ZFAND6: variants seen among roughly 807,000 people sequenced by gnomAD.
ZFAND6 encodes AN1-type zinc finger protein 6.
Under a neutral mutation model 24.5 loss-of-function variants are expected in ZFAND6, and 12 were observed. The observed-to-expected ratio is 0.49, with a 90% confidence interval of 0.31 to 0.79. The LOEUF is 0.79. Ranked by LOEUF, ZFAND6 falls within the 30% of genes least tolerant of loss-of-function variation. The pLI, the probability that ZFAND6 is intolerant of heterozygous loss-of-function variation, is 0.04. For missense variants in ZFAND6, 207 were observed against 245.9 expected (o/e 0.84, Z 1.06); for synonymous variants, 92 against 81.5 (o/e 1.13, Z -0.69).
chr15:80,121,491 T>A (rs1480879798), intron 3 of ZFAND6, among the ~76,000 whole-genome samples: 1 of 152,224 alleles, frequency 6.6e-6, no homozygotes, highest in Non-Finnish European at 1.5e-5. Context: ...AGTTTATTAA[T>A]GTATACAATT....
chr15:80,080,486 C>T (rs2037597408), intron 1 of ZFAND6, among the ~76,000 whole-genome samples: 2 of 152,118 alleles, frequency 1.3e-5, no homozygotes, highest in South Asian at 4.1e-4. Context: ...AAGACATTAA[C>T]AATAATAGAA....
At chr15:80,102,968 G>C (rs957631453) in intron 2 of ZFAND6, among the ~76,000 whole-genome samples, 1 of 152,166 alleles carries the variant, frequency 6.6e-6, no homozygotes, top group Non-Finnish European at 1.5e-5. Context: ...TATAGCCTTG[G>C]TACTTTTTAT....
At chr15:80,086,651 T>C (rs761722802) in intron 1 of ZFAND6, among the ~76,000 whole-genome samples, 5 of 152,254 alleles carry the variant, frequency 3.3e-5, no homozygotes, top group Non-Finnish European at 5.9e-5. Context: ...TAGCTTAATC[T>C]TTTATTGTGA....
At chr15:80,108,520 T>A (rs2039450981) in intron 2 of ZFAND6, among the ~76,000 whole-genome samples, 1 of 152,196 alleles carries the variant, frequency 6.6e-6, no homozygotes, top group African/African-American at 2.4e-5. Context: ...GGTGGCCTTG[T>A]GCTGGTAAAA....
At chr15:80,101,428 A>G (rs917721315) in intron 2 of ZFAND6, among the ~76,000 whole-genome samples, 1 of 151,910 alleles carries the variant, frequency 6.6e-6, no homozygotes, top group Admixed American at 6.6e-5. Flanking sequence ...GCGCCATTGC[A>G]CTCCAGCCTG....
intron 1 of ZFAND6, among the ~76,000 whole-genome samples, chr15:80,064,993 TCTCTC>T (rs2036536256): frequency 1.7e-5 from 2 of 116,746 alleles, no homozygotes; most frequent in South Asian, 6.2e-4. Context: ...TTGCTCTCTC[TCTCTC>T]CCCCTTTTTT....
chr15:80,076,994 A>AATC (rs2141838293), intron 1 of ZFAND6, among the ~76,000 whole-genome samples: 1 of 152,352 alleles, frequency 6.6e-6, no homozygotes, highest in South Asian at 2.1e-4. Context: ...CAAGAAGATA[A>AATC]AAGAATGAGG....
chr15:80,099,207 G>A (rs1374744345), intron 2 of ZFAND6, among the ~76,000 whole-genome samples: 2 of 151,576 alleles, frequency 1.3e-5, no homozygotes, highest in African/African-American at 2.4e-5. Context: ...TTTCCTTTAA[G>A]GTGTTAAAGT....
intron 1 of ZFAND6, among the ~76,000 whole-genome samples, chr15:80,069,636 T>TTATG (rs2036860641): frequency 1.3e-5 from 2 of 152,000 alleles, no homozygotes; most frequent in African/African-American, 4.8e-5. Context: ...ATTTATTTAT[T>TTATG]TATTTATTTA....
At chr15:80,066,861 C>T (rs1050462293) in intron 1 of ZFAND6, among the ~76,000 whole-genome samples, 2 of 149,424 alleles carry the variant, frequency 1.3e-5, no homozygotes, top group South Asian at 2.1e-4. Context: ...TGCACCACTA[C>T]ACTCTAGCCT....
chr15:80,102,366 C>T (rs1188285315), intron 2 of ZFAND6, among the ~76,000 whole-genome samples: 4 of 152,118 alleles, frequency 2.6e-5, no homozygotes, highest in Non-Finnish European at 5.9e-5. Flanking sequence ...GCCTCCCACT[C>T]GGCCTCCCAA....
At chr15:80,106,412 GCTT>G (rs892687553) in intron 2 of ZFAND6, among the ~76,000 whole-genome samples, 5 of 151,950 alleles carry the variant, frequency 3.3e-5, no homozygotes, top group Non-Finnish European at 1.5e-5. Flanking sequence ...ATTGTCTGTG[GCTT>G]CTTTTTTACT....
At chr15:80,108,406 A>G (rs981610277) in intron 2 of ZFAND6, among the ~76,000 whole-genome samples, 1 of 152,202 alleles carries the variant, frequency 6.6e-6, no homozygotes, top group Admixed American at 6.5e-5. Context: ...AGATAGATCG[A>G]TCAATCTGTG....
intron 1 of ZFAND6, among the ~76,000 whole-genome samples, chr15:80,079,070 GTCT>G (rs2141846940): frequency 6.7e-6 from 1 of 148,980 alleles, no homozygotes; most frequent in Non-Finnish European, 1.5e-5. Context: ...CCCAGAGTGT[GTCT>G]TCTTTTGAGA....
chr15:80,095,609 C>T (rs1381049087), intron 1 of ZFAND6, among the ~76,000 whole-genome samples: 12 of 152,004 alleles, frequency 7.9e-5, no homozygotes, highest in East Asian at 3.9e-4. Flanking sequence ...GATATTTAAC[C>T]GGGTTTAGGT....
chr15:80,074,925 T>C (rs1363683270), intron 1 of ZFAND6, among the ~76,000 whole-genome samples: 4 of 152,048 alleles, frequency 2.6e-5, no homozygotes, highest in Admixed American at 6.5e-5. Flanking sequence ...TGATAAGCCA[T>C]AGGCTGGGCT....
chr15:80,092,299 C>A (rs2038423668), intron 1 of ZFAND6, among the ~76,000 whole-genome samples: 1 of 131,448 alleles, frequency 7.6e-6, no homozygotes, highest in African/African-American at 2.9e-5. Context: ...CAAGCCTGGG[C>A]AACATGGCAA....
intron 5 of ZFAND6, 63 bp from the exon 6 acceptor site, chr15:80,131,116 TG>T: frequency 8.2e-7 from 1 of 1,221,092 alleles, no homozygotes; most frequent in Non-Finnish European, 1.1e-6. Context: ...CTAGGGAGGG[TG>T]GGATGAGGAA....
chr15:80,075,468 G>A (rs2037219831), intron 1 of ZFAND6, among the ~76,000 whole-genome samples: 1 of 151,944 alleles, frequency 6.6e-6, no homozygotes, highest in African/African-American at 2.4e-5. Context: ...TATCTTTTTG[G>A]TTTCCTAGGG....
Sources: allele counts gnomAD v4.1 joint callset (sites outside exome capture counted in the v4.1 genomes callset), GRCh38; gene constraint gnomAD v4.1.1; transcripts MANE v1.5; gene names NCBI Gene and HGNC (gene_info 2026-07-23, HGNC 2026-07-21).